CDC16: variants seen among roughly 807,000 people sequenced by gnomAD.
The protein encoded by CDC16 is cell division cycle protein 16 homolog.
In CDC16, 34 loss-of-function variants were observed where a neutral mutation model predicts 87.0. The ratio of observed to expected loss-of-function variants is 0.39; its 90% confidence interval spans 0.30 to 0.52. The LOEUF (loss-of-function observed/expected upper bound fraction) is 0.52. Ranked by LOEUF, CDC16 falls within the 20% of genes least tolerant of loss-of-function variation. The pLI, the probability that CDC16 is intolerant of heterozygous loss-of-function variation, is 0.74. For synonymous variants in CDC16, 263 were observed against 260.6 expected, an observed-to-expected ratio of 1.01 and a Z score of -0.09; for missense variants, 653 against 751.9, an observed-to-expected ratio of 0.87 and a Z score of 1.54.
chr13:114,235,888 C>T (rs1169449730), intron 1 of CDC16, among the ~76,000 whole-genome samples: 1 of 152,144 alleles, frequency 6.6e-6, no homozygotes, highest in African/African-American at 2.4e-5. Context: ...GGTACGGAGA[C>T]GTAGTGAGGA....
At chr13:114,241,230 A>C (rs1388761988) in intron 5 of CDC16, among the ~76,000 whole-genome samples, 4 of 151,932 alleles carry the variant, frequency 2.6e-5, no homozygotes, top group Non-Finnish European at 5.9e-5. Context: ...TCTATAAGTT[A>C]GATAGTAAAG....
intron 13 of CDC16, 30 bp from the exon 14 acceptor site, chr13:114,259,305 A>C (rs1167269137): frequency 6.5e-7 from 1 of 1,539,480 alleles, no homozygotes; most frequent in Non-Finnish European, 8.7e-7. Context: ...AATTTCGAAT[A>C]ATCTGCAACC....
At chr13:114,260,615 A>C (rs541895611) in intron 14 of CDC16, among the ~76,000 whole-genome samples, 57 of 152,362 alleles carry the variant, frequency 3.7e-4, no homozygotes, top group Admixed American at 5.9e-4. Context: ...AAGGGGCACT[A>C]AATTTAGAGT....
rs200124894 is a variant in CDC16, at chr13:114,244,984, T to G, written c.847+15T>G. On this transcript the variant is annotated intron_variant, in intron 9 of 17. Coordinates refer to ENST00000356221, the MANE Select transcript of CDC16 (RefSeq NM_001078645.3). The stretch of plus-strand genomic sequence containing the variant: ...TAAAGCCAATGGTAAGACTTTTTTT[T>G]AAATTAAAGTAATTCTTAGACATAA... 2 of 1,402,958 alleles carry G rather than the reference T, an allele frequency of 1.4e-6. No homozygotes were observed. Among genetic ancestry groups the G allele is most frequent in the Admixed American group, 1.9e-5 (1 of 52,638 alleles). 86.9% of individuals were successfully genotyped at this position (1,402,958 alleles called of 1,614,324 possible). A position where few individuals can be genotyped will look rare whatever the true frequency, so the allele number is the denominator to read the frequency against.
intron 16 of CDC16, among the ~76,000 whole-genome samples, chr13:114,263,427 C>T (rs1444133272): frequency 6.6e-6 from 1 of 152,186 alleles, no homozygotes; most frequent in Non-Finnish European, 1.5e-5. Flanking sequence ...TACCATATTC[C>T]ATCAAATTTA....
In CDC16 at chr13:114,235,023, T is replaced by C; in HGVS notation, c.-62T>C. The C allele has an allele frequency of 8.2e-7, 1 of 1,219,668 alleles. No homozygotes were observed. The highest frequency in any genetic ancestry group is 1.0e-6 in the Non-Finnish European group (1 of 970,882). The allele number at this position is 1,219,668 out of a possible 1,614,324, so 75.6% of individuals were successfully genotyped here. A position where few individuals can be genotyped will look rare whatever the true frequency, so the allele number is the denominator to read the frequency against. On this transcript the variant is annotated 5_prime_UTR_variant, in exon 1 of 18. Transcript: ENST00000356221. Reference sequence around the variant, plus strand: ...CGGGCACGGGCACGGGGCGGGGTGCTTAGGGTGCAGGAGGCGCGCGCCTAG... The same window carrying C: ...CGGGCACGGGCACGGGGCGGGGTGCCTAGGGTGCAGGAGGCGCGCGCCTAG...
At chr13:114,245,217 GTTTC>G (rs2081796325) in intron 9 of CDC16, among the ~76,000 whole-genome samples, 4 of 149,184 alleles carry the variant, frequency 2.7e-5, no homozygotes, top group African/African-American at 7.4e-5. Context: ...TATCATTTAT[GTTTC>G]AAGGTTTGTT....
rs542458852 is a variant in CDC16 at position 114,241,567 on chromosome 13, C to T, written c.382-554C>T. Among the ~76,000 whole-genome samples, 3 of 152,272 alleles carry T rather than the reference C, an allele frequency of 2.0e-5. No homozygotes were observed. In the East Asian group the frequency reaches 5.8e-4, roughly 29 times the overall value. On this transcript the variant is annotated intron_variant, in intron 5 of 17. Transcript: ENST00000356221. ...CAAAACAGGTAATGAACCTAGTAGC[C>T]GTGACATGTACTTTTGTTATAAAGA...
At chr13:114,249,688 C>T (rs9314907) in intron 11 of CDC16, among the ~76,000 whole-genome samples, 47,297 of 151,956 alleles carry the variant, frequency 0.31, 8,975 homozygotes, top group African/African-American at 0.53. Context: ...TATAGGATAT[C>T]GCCTAATCCC....
chr13:114,257,044 G>T (rs757500722), intron 12 of CDC16, 34 bp from the exon 13 acceptor site: 3 of 1,419,384 alleles, frequency 2.1e-6, no homozygotes, highest in Non-Finnish European at 2.9e-6. Flanking sequence ...CACAGTTTTT[G>T]GTGTTGAATA....
intron 12 of CDC16, among the ~76,000 whole-genome samples, chr13:114,255,829 G>A (rs1334229230): frequency 6.6e-6 from 1 of 152,086 alleles, no homozygotes; most frequent in Non-Finnish European, 1.5e-5. Context: ...ACTTTTTAGA[G>A]ATGGGGTCTC....
chr13:114,245,469 C>T (rs2081816768), intron 9 of CDC16, among the ~76,000 whole-genome samples: 1 of 152,120 alleles, frequency 6.6e-6, no homozygotes, highest in African/African-American at 2.4e-5. Context: ...AAACCCTCAC[C>T]GAATCCCTGC....
chr13:114,264,899 C>T (rs17291522), intron 16 of CDC16: 83 of 355,228 alleles, frequency 2.3e-4, no homozygotes, highest in African/African-American at 4.0e-4. Flanking sequence ...TGAGCCACTG[C>T]GCCCAGTCGA....
At chr13:114,244,065 C>G (rs2081710726) in intron 8 of CDC16, 76 bp downstream of exon 8, 1 of 1,000,636 alleles carries the variant, frequency 1.0e-6, no homozygotes, top group Non-Finnish European at 1.5e-6. Context: ...CGGACGTGCT[C>G]TCTGAATAAT....
At chr13:114,235,501 G>C (rs2081204108) in intron 1 of CDC16, among the ~76,000 whole-genome samples, 1 of 152,252 alleles carries the variant, frequency 6.6e-6, no homozygotes, top group Non-Finnish European at 1.5e-5. Flanking sequence ...GAGAGGTTTA[G>C]TTGTAATTTT....
chr13:114,271,732 C>T (rs574805739), intron 17 of CDC16, among the ~76,000 whole-genome samples: 106 of 152,188 alleles, frequency 7.0e-4, no homozygotes, highest in African/African-American at 2.5e-3. Context: ...CTGCCCGCCT[C>T]GGCCTCCCAA....
At chr13:114,250,763 GC>G in intron 12 of CDC16, 89 bp downstream of exon 12, 3 of 1,300,402 alleles carry the variant, frequency 2.3e-6, no homozygotes, top group East Asian at 2.5e-5. Context: ...CTATTTGGTT[GC>G]TAAACTAAAC....
chr13:114,256,170 C>G (rs575408064), intron 12 of CDC16, among the ~76,000 whole-genome samples: 1 of 152,314 alleles, frequency 6.6e-6, no homozygotes, highest in Non-Finnish European at 1.5e-5. Context: ...TGAATATACA[C>G]TCCTCAGATT....
chr13:114,249,729 T>C (rs1258527782), intron 11 of CDC16, among the ~76,000 whole-genome samples: 1 of 152,224 alleles, frequency 6.6e-6, no homozygotes, highest in Non-Finnish European at 1.5e-5. Context: ...CTTTAAAATA[T>C]AAATGAATTT....
Sources: allele counts gnomAD v4.1 joint callset (sites outside exome capture counted in the v4.1 genomes callset), GRCh38; gene constraint gnomAD v4.1.1; transcripts MANE v1.5; gene names NCBI Gene and HGNC (gene_info 2026-07-23, HGNC 2026-07-21).